RIPK1: variants seen among roughly 807,000 people sequenced by gnomAD.
RIPK1 encodes receptor interacting serine/threonine kinase 1, also known as receptor-interacting serine/threonine-protein kinase 1.
A neutral mutation model predicts 62.4 loss-of-function variants in RIPK1; 27 were observed. The ratio of observed to expected loss-of-function variants is 0.43; its 90% CI spans 0.32 to 0.60. The LOEUF (loss-of-function observed/expected upper bound fraction) is 0.60. Among genes scored for constraint, RIPK1 ranks in the 20% least tolerant of loss-of-function variants. The pLI is 0.07. For synonymous variants in RIPK1, 287 were observed against 303.2 expected, an observed-to-expected ratio of 0.95 and a Z score of 0.55; for missense variants, 735 against 831.0, an observed-to-expected ratio of 0.88 and a Z score of 1.42.
intron 3 of RIPK1, 103 bp from the exon 4 acceptor site, chr6:3,080,876 A>G: frequency 9.4e-7 from 1 of 1,063,464 alleles, no homozygotes. Context: ...GAAACCTGGT[A>G]ACCTTCTCCT....
In RIPK1 at chr6:3,114,121, G is replaced by C. The variant is rs1189462242; in HGVS notation, c.*782G>C. ...GGGAAACATCAGAATTTCCCAGGCA[G>C]TTGTTGCAAGGAATTGGTACTAACC... On this transcript the variant is annotated 3_prime_UTR_variant, in exon 11 of 11. Transcript: ENST00000259808. This position sits in a 1 kb window ranked among gnomAD's most constrained non-coding sequence, Gnocchi z 5.0. 1.3e-5 allele frequency: 2 copies of C among 152,232 alleles called. No individual in the cohort carries two copies. The highest frequency in any genetic ancestry group is 2.9e-5 in the Non-Finnish European group (2 of 68,046). The allele number at this position is 152,232 out of a possible 1,614,324, so 9.4% of individuals were successfully genotyped here. A position where few individuals can be genotyped will look rare whatever the true frequency, so the allele number is the denominator to read the frequency against.
At position 3,077,729 on chromosome 6, in the gene RIPK1, T is replaced by C. The variant is rs759949761; in HGVS notation, c.165-50T>C. 4.2e-5 allele frequency: 67 copies of C among 1,586,010 alleles called. No homozygotes were observed. The East Asian group carries it at 1.4e-3, about 32-fold the overall frequency. ...TGTGTTGGAGGTGTGCACCAGGCTC[T>C]TGAGGCGCTGGCTCTGCCAGCCTCA... On this transcript the variant is annotated intron_variant, in intron 2 of 10. Transcript: ENST00000259808.
Position 3,085,274 on chromosome 6 carries a change from A to C in RIPK1, c.704A>C (p.Gln235Pro). The C allele has an allele frequency of 6.2e-7, 1 of 1,614,270 alleles. No homozygotes were observed. Among genetic ancestry groups the C allele is most frequent in the Non-Finnish European group, 8.5e-7 (1 of 1,180,044 alleles). ...TGCTTTGTAGATGCTATCTGTGAGC[A>C]GCAGTTGATAATGTGCATAAAATCT... ...KEPYENAICEQQLIMCIKSGN... is the reference protein window; with the variant it reads ...KEPYENAICEPQLIMCIKSGN... The change falls in exon 6 of 11, where the codon CAG (glutamine) becomes CCG (proline). Residue 235 changes from glutamine to proline, a missense_variant. By Grantham distance (76) the Gln-to-Pro change is moderately conservative. Coordinates refer to ENST00000259808, the MANE Select transcript of RIPK1 (RefSeq NM_001354930.2).
At position 3,098,425 on chromosome 6, in the gene RIPK1, A is replaced by ATAT. The variant is rs111647741; in HGVS notation, c.916-5799_916-5797dup. 5.3e-3 allele frequency among the ~76,000 whole-genome samples: 800 copies of ATAT among 152,370 alleles called. 7 individuals are homozygous for ATAT. Among genetic ancestry groups the ATAT allele is most frequent in the African/African-American group, 0.019 (783 of 41,588 alleles). On this transcript the variant is annotated intron_variant, in intron 7 of 10. Transcript: ENST00000259808. ...TGCAAATTAAAACCACAATAAGATA[A>ATAT]TATGTGTCTAAACATTGGCAAATAT...
At position 3,105,019 on chromosome 6, in the gene RIPK1, T is replaced by G. The variant is rs572388352; in HGVS notation, c.1007-463T>G. ...GGCATGCACCACCATGCCCGGCTAA[T>G]TTTTGTATTTTCAGTAGAGATGGGG... On this transcript the variant is annotated intron_variant, in intron 8 of 10. Coordinates refer to ENST00000259808, the MANE Select transcript of RIPK1 (RefSeq NM_001354930.2). The surrounding 1 kb of genome is among the most constrained non-coding windows in gnomAD (Gnocchi z 4.5). Among the ~76,000 whole-genome samples, 2 of 152,220 alleles carry G rather than the reference T, an allele frequency of 1.3e-5. No homozygotes were observed. The highest frequency in any genetic ancestry group is 4.2e-4 in the South Asian group (2 of 4,814).
At chr6:3,107,413 A>G (rs1266116527) in intron 9 of RIPK1, among the ~76,000 whole-genome samples, 2 of 150,792 alleles carry the variant, frequency 1.3e-5, no homozygotes, top group Non-Finnish European at 3.0e-5. Flanking sequence ...AAAAAAAAAA[A>G]AAAAAGCTGG....
chr6:3,076,725 T>TATAG, intron 1 of RIPK1, 39 bp from the exon 2 acceptor site: 2 of 638,646 alleles, frequency 3.1e-6, no homozygotes, highest in Non-Finnish European at 4.8e-6. Context: ...TATATATATA[T>TATAG]AGTCTTGCCC....
At chr6:3,066,346 T>A (rs1260275542), upstream of RIPK1, among the ~76,000 whole-genome samples, 1 of 152,128 alleles carries the variant, frequency 6.6e-6, no homozygotes, top group Admixed American at 6.5e-5. Context: ...TTTTTTGTGT[T>A]TAATTCACAA....
chr6:3,082,890 T>A (rs1335944303), intron 4 of RIPK1, among the ~76,000 whole-genome samples, 195 bp from the exon 5 acceptor site: 1 of 152,218 alleles, frequency 6.6e-6, no homozygotes, highest in Non-Finnish European at 1.5e-5. Flanking sequence ...CTGGGCGACA[T>A]TTTACAAATG....
At position 3,105,549 on chromosome 6, in the gene RIPK1, G is replaced by A; in HGVS notation, c.1074G>A (p.Trp358Ter). 1.2e-6 allele frequency: 2 copies of A among 1,610,046 alleles called. No individual in the cohort carries two copies. The highest frequency in any genetic ancestry group is 1.7e-6 in the Non-Finnish European group (2 of 1,177,784). Residue 358 changes from tryptophan to a stop codon, truncating the protein, a stop_gained, in exon 9 of 11, where the codon TGG becomes TGA. Coordinates refer to ENST00000259808, the MANE Select transcript of RIPK1 (RefSeq NM_001354930.2). LOFTEE classifies it high-confidence loss of function. This position sits in a 1 kb window ranked among gnomAD's most constrained non-coding sequence, Gnocchi z 4.5. ...GLGMGPVEES[W>*]FAPSLEHPQE... is the part of the protein sequence containing the mutation. ...GGATGGGTCCTGTGGAGGAGTCCTG[G>A]TTTGCTCCTTCCCTGGAGCACCCAC...
At position 3,105,187 on chromosome 6, in the gene RIPK1, G is replaced by A. The variant is rs1053914486; in HGVS notation, c.1007-295G>A. On this transcript the variant is annotated intron_variant, in intron 8 of 10. Transcript: ENST00000259808. This position sits in a 1 kb window ranked among gnomAD's most constrained non-coding sequence, Gnocchi z 4.5. ...TTTTCCACCTGAATTGCTCCAAGGA[G>A]ACAACCACCTTCTCTGCTCCAAACC... Among the ~76,000 whole-genome samples the A allele has an allele frequency of 2.6e-5, 4 of 152,154 alleles. No individual in the cohort carries two copies. The highest frequency in any genetic ancestry group is 4.4e-5 in the Non-Finnish European group (3 of 68,026).
At position 3,094,580 on chromosome 6, in the gene RIPK1, C is replaced by CATATATATATAT. The variant is rs370564571; in HGVS notation, c.915+4932_915+4943dup. On this transcript the variant is annotated intron_variant, in intron 7 of 10. Transcript: ENST00000259808. ...TATAACCTTAAATAAATAAATATTT[C>CATATATATATAT]ATATATATATATATATATATGAAGA... Among the ~76,000 whole-genome samples the CATATATATATAT allele has an allele frequency of 1.0e-3, 144 of 139,306 alleles. 1 individual carries two copies. The highest frequency in any genetic ancestry group is 6.6e-3 in the South Asian group (30 of 4,534). 91.4% of individuals were successfully genotyped at this position (139,306 alleles called of 152,430 possible).
intron 1 of RIPK1, among the ~76,000 whole-genome samples, chr6:3,070,077 GC>G (rs2113538854): frequency 6.6e-6 from 1 of 152,198 alleles, no homozygotes; most frequent in East Asian, 1.9e-4. Context: ...TGAAGACTAG[GC>G]TTGTTTAAAA....
At chr6:3,064,218 TG>T (rs1240074542), upstream of RIPK1, among the ~76,000 whole-genome samples, 2 of 151,952 alleles carry the variant, frequency 1.3e-5, no homozygotes, top group Non-Finnish European at 2.9e-5. Flanking sequence ...CAACGGTCTG[TG>T]GGGGGTCCCC....
At position 3,083,275 on chromosome 6, in the gene RIPK1, T is replaced by TA. The variant is rs778191918; in HGVS notation, c.651dup (p.Leu218ThrfsTer8). The stretch of plus-strand genomic sequence containing the variant: ...TCGGATGTGTACAGCTTTGCTGTAG[T>TA]ACTCTGGGCGATATTTGCAAATAAG... On this transcript the variant is annotated frameshift_variant, in exon 5 of 11. Transcript: ENST00000259808. LOFTEE classifies it high-confidence loss of function. 1 of 1,613,650 alleles carries TA rather than the reference T, an allele frequency of 6.2e-7. No individual in the cohort carries two copies. The highest frequency in any genetic ancestry group is 8.5e-7 in the Non-Finnish European group (1 of 1,179,992).
At chr6:3,107,237 G>C (rs1196709349) in intron 9 of RIPK1, among the ~76,000 whole-genome samples, 5 of 148,710 alleles carry the variant, frequency 3.4e-5, no homozygotes, top group African/African-American at 1.3e-4. Context: ...GGGCAACAGA[G>C]TGAGATTGTG....
chr6:3,080,243 T>C (rs1367129740), intron 3 of RIPK1, among the ~76,000 whole-genome samples: 1 of 152,008 alleles, frequency 6.6e-6, no homozygotes, highest in African/African-American at 2.4e-5. Flanking sequence ...AGGAAACATC[T>C]TGTTTGTATA....
At chr6:3,068,215 C>G, upstream of RIPK1, 6 of 985,504 alleles carry the variant, frequency 6.1e-6, no homozygotes, top group Non-Finnish European at 7.2e-6. Flanking sequence ...CTTGCCTATG[C>G]TAACCCGCAG....
intron 7 of RIPK1, among the ~76,000 whole-genome samples, chr6:3,090,608 T>A (rs1760002290): frequency 6.6e-6 from 1 of 151,798 alleles, no homozygotes; most frequent in African/African-American, 2.4e-5. Context: ...AACAGACAAA[T>A]CCACAATTAA....
Sources: allele counts gnomAD v4.1 joint callset (sites outside exome capture counted in the v4.1 genomes callset), GRCh38; gene constraint gnomAD v4.1.1; non-coding constraint Gnocchi (gnomAD v3.1); transcripts MANE v1.5; gene names NCBI Gene and HGNC (gene_info 2026-07-23, HGNC 2026-07-21).